The following MYEF2 variants were observed in gnomAD, a reference collection of about 807,000 sequenced individuals.
MYEF2 encodes myelin expression factor 2, also known as myelin gene expression factor 2.
MYEF2 carries 37 observed loss-of-function variants against 75.2 expected under a neutral mutation model. That is an observed-to-expected ratio of 0.49 (90% CI 0.38 to 0.65). The LOEUF is 0.65. Among genes scored for constraint, MYEF2 ranks in the 30% least tolerant of loss-of-function variants. The pLI, the probability that MYEF2 is intolerant of heterozygous loss-of-function variation, is 0.00. For missense variants in MYEF2, 634 were observed against 771.4 expected (o/e 0.82, Z 2.11); for synonymous variants, 195 against 241.6 (o/e 0.81, Z 1.79).
At chr15:48,158,245 A>T in intron 7 of MYEF2, 21 bp from the exon 8 acceptor site, 2 of 1,610,594 alleles carry the variant, frequency 1.2e-6, no homozygotes, top group Non-Finnish European at 1.7e-6. Flanking sequence ...AGTCAAGGAA[A>T]GTCAGTTAAG....
chr15:48,168,101 G>C (rs150309242), intron 2 of MYEF2, among the ~76,000 whole-genome samples: 2 of 151,640 alleles, frequency 1.3e-5, no homozygotes, highest in East Asian at 1.9e-4. Context: ...ATAAGATGAA[G>C]GTTTTCAGAT....
chr15:48,157,858 A>G (rs2039762653), intron 9 of MYEF2, 135 bp downstream of exon 9: 1 of 1,443,702 alleles, frequency 6.9e-7, no homozygotes, highest in South Asian at 1.6e-5. Context: ...ATAGCGCCAA[A>G]CTATCTTCAT....
At position 48,151,523 on chromosome 15, in the gene MYEF2, C is replaced by T. The variant is rs746395362; in HGVS notation, c.1256G>A (p.Arg419His). 11 of 1,612,988 alleles carry T rather than the reference C, an allele frequency of 6.8e-6. No homozygotes were observed. Among genetic ancestry groups the T allele is most frequent in the East Asian group, 4.5e-5 (2 of 44,880 alleles). Residue 419 changes from arginine to histidine, a missense_variant, in exon 13 of 17, where the codon CGT (arginine) becomes CAT (histidine). Coordinates refer to ENST00000324324, the MANE Select transcript of MYEF2 (RefSeq NM_016132.5). ...GCCTCGATTTATTCCAATATCACCA[C>T]GTCCAAAATCTCGCTCCATGCTACT... is the stretch of plus-strand genomic sequence containing the variant. ...MTSSMERDFG[R>H]GDIGINRGFG... is the part of the protein sequence containing the mutation.
chr15:48,147,051 AAATAT>A (rs1310864154), intron 16 of MYEF2, among the ~76,000 whole-genome samples: 2 of 151,962 alleles, frequency 1.3e-5, no homozygotes, highest in Admixed American at 1.3e-4. Context: ...ATTAATCTTA[AAATAT>A]AATTATAATC....
In MYEF2 at chr15:48,142,465, T is replaced by TA; in HGVS notation, c.*442dup. 1.2e-6 allele frequency: 1 copy of TA among 841,006 alleles called. No individual in the cohort carries two copies. The highest frequency in any genetic ancestry group is 1.7e-6 in the Non-Finnish European group (1 of 589,076). The allele number at this position is 841,006 out of a possible 1,614,324, so 52.1% of individuals were successfully genotyped here. On this transcript the variant is annotated 3_prime_UTR_variant, in exon 17 of 17. Transcript: ENST00000324324. The stretch of plus-strand genomic sequence containing the variant: ...ATCTTGAACCTTAGAATCTAAAACT[T>TA]ACAGTAATTTAAAACCAACCAAAAT...
chr15:48,167,524 A>C, intron 2 of MYEF2, 123 bp from the exon 3 acceptor site: 1 of 756,780 alleles, frequency 1.3e-6, no homozygotes, highest in East Asian at 2.6e-5. Context: ...AACAATCAAA[A>C]CCAGACCAAC....
intron 5 of MYEF2, among the ~76,000 whole-genome samples, chr15:48,160,373 G>T (rs939968060): frequency 6.6e-6 from 1 of 151,844 alleles, no homozygotes; most frequent in Admixed American, 6.6e-5. Context: ...TGGAGGAGAG[G>T]AGAGATAAAG....
At position 48,151,164 on chromosome 15, in the gene MYEF2, T is replaced by A; in HGVS notation, c.1314A>T (p.Ala438=). ...TTCTTCCTGCAAACCCTCCAATCAT[T>A]GCACTGCCTAAACAAGGATGGAAAG... ...FGDSFGRLGS[A]MIGGFAGRIG... The change falls in exon 14 of 17, where the codon GCA becomes GCT. Residue 438 remains alanine, a synonymous_variant. Coordinates refer to ENST00000324324, the MANE Select transcript of MYEF2 (RefSeq NM_016132.5). 1 of 1,609,348 alleles carries A rather than the reference T, an allele frequency of 6.2e-7. No homozygotes were observed. Among genetic ancestry groups the A allele is most frequent in the Non-Finnish European group, 8.5e-7 (1 of 1,177,068 alleles).
chr15:48,145,253 A>G (rs552749048), intron 16 of MYEF2, among the ~76,000 whole-genome samples: 5 of 151,982 alleles, frequency 3.3e-5, no homozygotes, highest in South Asian at 2.1e-4. Context: ...AGAACCAGAA[A>G]GAGTTATAGA....
chr15:48,148,822 G>A (rs562917718), intron 16 of MYEF2, among the ~76,000 whole-genome samples: 1 of 152,026 alleles, frequency 6.6e-6, no homozygotes, highest in Non-Finnish European at 1.5e-5. Flanking sequence ...CCTAAACCTT[G>A]TTATTACCTA....
At chr15:48,152,551 T>A (rs2459394) in intron 10 of MYEF2, 47,313 of 383,508 alleles carry the variant, frequency 0.12, 11,196 homozygotes, top group African/African-American at 0.57. Context: ...GAGAATATCT[T>A]GAACTAGGTA....
chr15:48,140,147 AT>A lies in MYEF2; in HGVS notation c.*2760del, dbSNP rs1408741718. 1 of 152,106 alleles carries A rather than the reference AT, an allele frequency of 6.6e-6. No homozygotes were observed. The highest frequency in any genetic ancestry group is 2.4e-5 in the African/African-American group (1 of 41,418). 9.4% of individuals were successfully genotyped at this position (152,106 alleles called of 1,614,324 possible). ...TAGCTTGCATATTATATCTATCCAA[AT>A]TCACTCAGCCAGAACACATTTGATA... On this transcript the variant is annotated 3_prime_UTR_variant, in exon 17 of 17. Coordinates refer to ENST00000324324, the MANE Select transcript of MYEF2 (RefSeq NM_016132.5).
In MYEF2 at chr15:48,141,246, C is replaced by A; in HGVS notation, c.*1662G>T. On this transcript the variant is annotated 3_prime_UTR_variant, in exon 17 of 17. Coordinates refer to ENST00000324324, the MANE Select transcript of MYEF2 (RefSeq NM_016132.5). ...ACTAGGTCCCTCAAGCTGCAATGGT[C>A]ATTCTACAAGGCTAGAATGAGTAAA... 1 of 1,501,268 alleles carries A rather than the reference C, an allele frequency of 6.7e-7. No homozygotes were observed. The highest frequency in any genetic ancestry group is 1.1e-5 in the South Asian group (1 of 88,554). 93.0% of individuals were successfully genotyped at this position (1,501,268 alleles called of 1,614,324 possible).
intron 12 of MYEF2, 104 bp from the exon 13 acceptor site, chr15:48,151,675 A>G: frequency 8.0e-7 from 1 of 1,255,874 alleles, no homozygotes; most frequent in Non-Finnish European, 1.1e-6. Flanking sequence ...AGTCACAAAT[A>G]TAAAATAGTC....
intron 5 of MYEF2, among the ~76,000 whole-genome samples, 164 bp downstream of exon 5, chr15:48,165,769 T>C (rs2040110545): frequency 6.6e-6 from 1 of 151,928 alleles, no homozygotes; most frequent in Admixed American, 6.6e-5. Flanking sequence ...ACAGCAAATA[T>C]AAAATCATGT....
intron 5 of MYEF2, among the ~76,000 whole-genome samples, chr15:48,160,520 A>C (rs200079701): frequency 7.8e-5 from 8 of 102,614 alleles, no homozygotes; most frequent in African/African-American, 2.6e-4. Context: ...CACACACACA[A>C]ACATAAATGT....
intron 3 of MYEF2, among the ~76,000 whole-genome samples, chr15:48,166,549 A>T (rs1251503494): frequency 1.3e-5 from 2 of 152,032 alleles, no homozygotes; most frequent in Non-Finnish European, 2.9e-5. Flanking sequence ...AATAGTGAAT[A>T]AATATTAATT....
intron 3 of MYEF2, among the ~76,000 whole-genome samples, chr15:48,166,552 T>C (rs2040140323): frequency 6.6e-6 from 1 of 152,042 alleles, no homozygotes; most frequent in African/African-American, 2.4e-5. Flanking sequence ...AGTGAATAAA[T>C]ATTAATTTTA....
At chr15:48,148,937 G>A (rs1048545415) in intron 16 of MYEF2, 95 bp downstream of exon 16, 17 of 1,264,828 alleles carry the variant, frequency 1.3e-5, no homozygotes, top group African/African-American at 6.0e-5. Flanking sequence ...ATAGGCATCC[G>A]GACAGGCAAA....
Sources: gnomAD v4.1 joint callset for allele counts (sites outside exome capture counted in the v4.1 genomes callset) on GRCh38, gnomAD v4.1.1 for gene constraint, MANE v1.5 for transcripts, NCBI Gene and HGNC (gene_info 2026-07-23, HGNC 2026-07-21) for gene names.